The following USP10 variants were observed in gnomAD, a reference collection of about 807,000 sequenced individuals.
USP10 encodes the protein ubiquitin carboxyl-terminal hydrolase 10.
A neutral mutation model predicts 84.5 loss-of-function variants in USP10; 22 were observed. The observed-to-expected ratio is 0.26, with a 90% CI of 0.19 to 0.37. The LOEUF (loss-of-function observed/expected upper bound fraction) is 0.37, where lower values mean the gene tolerates loss of function less well. Ranked by LOEUF, USP10 falls within the 10% of genes least tolerant of loss-of-function variation. The pLI is 1.00. For missense variants in USP10, 1,019 were observed against 998.9 expected (o/e 1.02, Z -0.27); for synonymous variants, 454 against 387.6 (o/e 1.17, Z -2.01).
chr16:84,701,081 A>C (rs1195428658), intron 1 of USP10, among the ~76,000 whole-genome samples: 1 of 152,244 alleles, frequency 6.6e-6, no homozygotes, highest in African/African-American at 2.4e-5. Context: ...AATGAAACAA[A>C]GTAGCCATTC....
At position 84,779,739 on chromosome 16, in the gene USP10, A is replaced by C. The variant is rs1915372652; in HGVS notation, c.*657A>C. On this transcript the variant is annotated 3_prime_UTR_variant, in exon 14 of 14. Transcript: ENST00000219473. ...TTGCCATTAAAAGATTTCAAATTGCATTCATGCTTCTGTGTACACATAATG... is the reference window on the plus strand; with the variant it reads ...TTGCCATTAAAAGATTTCAAATTGCCTTCATGCTTCTGTGTACACATAATG... 1 of 152,716 alleles carries C rather than the reference A, an allele frequency of 6.5e-6. No individual in the cohort carries two copies. The highest frequency in any genetic ancestry group is 1.5e-5 in the Non-Finnish European group (1 of 68,088). The allele number at this position is 152,716 out of a possible 1,614,324, so 9.5% of individuals were successfully genotyped here.
chr16:84,716,390 G>T (rs1307188930), intron 1 of USP10: 1 of 152,166 alleles, frequency 6.6e-6, no homozygotes, highest in East Asian at 1.9e-4. Flanking sequence ...AGGCAAGGTT[G>T]GTTTCTCTGA....
intron 4 of USP10, among the ~76,000 whole-genome samples, chr16:84,746,517 A>T (rs377729309): frequency 1.3e-5 from 2 of 152,262 alleles, no homozygotes; most frequent in African/African-American, 4.8e-5. Context: ...CAGTTGTAAC[A>T]CAGTGCTAAG....
chr16:84,743,767 A>T (rs761323188), intron 3 of USP10, among the ~76,000 whole-genome samples: 1 of 152,242 alleles, frequency 6.6e-6, no homozygotes, highest in Admixed American at 6.5e-5. Context: ...CGTCTGTCTT[A>T]GCAGGAATGA....
intron 3 of USP10, among the ~76,000 whole-genome samples, chr16:84,741,820 T>C (rs1427863647): frequency 1.3e-5 from 2 of 152,324 alleles, no homozygotes; most frequent in Non-Finnish European, 1.5e-5. Flanking sequence ...ACAGAGCCTG[T>C]GGGCACTGTC....
At chr16:84,777,844 G>A (rs565144582) in intron 13 of USP10, among the ~76,000 whole-genome samples, 1 of 152,278 alleles carries the variant, frequency 6.6e-6, no homozygotes, top group South Asian at 2.1e-4. Flanking sequence ...CTTTTCTTTT[G>A]TGCCACTGAT....
chr16:84,774,756 A>G (rs1222872316), intron 12 of USP10, among the ~76,000 whole-genome samples: 1 of 152,198 alleles, frequency 6.6e-6, no homozygotes, highest in Non-Finnish European at 1.5e-5. Flanking sequence ...GGCGTGAGCC[A>G]CCGTGCCTGG....
chr16:84,700,262 ACCCGCCGCCTCCGCG>A (rs923680108), intron 1 of USP10, among the ~76,000 whole-genome samples, 151 bp downstream of exon 1: 169 of 150,788 alleles, frequency 1.1e-3, no homozygotes, highest in Middle Eastern at 3.5e-3. Context: ...GGCCGGAGCC[ACCCGCCGCCTCCGCG>A]CCCGCCGCGC....
intron 2 of USP10, among the ~76,000 whole-genome samples, chr16:84,737,643 T>G (rs1910102653): frequency 6.6e-6 from 1 of 152,202 alleles, no homozygotes; most frequent in South Asian, 2.1e-4. Context: ...ATCTGGGAGT[T>G]TGCTGGTGGT....
chr16:84,715,103 A>AT (rs1293677489), intron 1 of USP10, among the ~76,000 whole-genome samples: 1 of 151,530 alleles, frequency 6.6e-6, no homozygotes, highest in Non-Finnish European at 1.5e-5. Flanking sequence ...TACTTTTTAT[A>AT]TTTTTTAGTA....
At chr16:84,711,152 T>A (rs1241354854) in intron 1 of USP10, among the ~76,000 whole-genome samples, 1 of 152,226 alleles carries the variant, frequency 6.6e-6, no homozygotes, top group African/African-American at 2.4e-5. Context: ...GGCTTGGCAT[T>A]CATTAAGTCC....
At position 84,739,900 on chromosome 16, in the gene USP10, C is replaced by T. The variant is rs537918551; in HGVS notation, c.91-409C>T. Among the ~76,000 whole-genome samples, 9 of 152,234 alleles carry T rather than the reference C, an allele frequency of 5.9e-5. No individual in the cohort carries two copies. In the South Asian group the frequency reaches 1.2e-3, roughly 21 times the overall value. ...ACTGGCTGTGTTGCAATGTAGTGAT[C>T]GTGAATAAGAGGTGCAGTCAGGAAG... is the stretch of plus-strand genomic sequence containing the variant. On this transcript the variant is annotated intron_variant, in intron 2 of 13. Transcript: ENST00000219473.
rs1164447247 is a variant in USP10, at chr16:84,700,044, A to G, written c.-47A>G. ...AGAAGATGGCGGCGGCGGGGGAAGC[A>G]GCGTGAGCAGCCGGAGGATCGCGGA... On this transcript the variant is annotated 5_prime_UTR_variant, in exon 1 of 14. Coordinates refer to ENST00000219473, the MANE Select transcript of USP10 (RefSeq NM_005153.3). 11 of 1,354,486 alleles carry G rather than the reference A, an allele frequency of 8.1e-6. No homozygotes were observed. The highest frequency in any genetic ancestry group is 7.8e-5 in the African/African-American group (5 of 64,432). 83.9% of individuals were successfully genotyped at this position (1,354,486 alleles called of 1,614,324 possible). A position where few individuals can be genotyped will look rare whatever the true frequency, so the allele number is the denominator to read the frequency against.
intron 1 of USP10, among the ~76,000 whole-genome samples, chr16:84,721,958 G>T (rs1163018905): frequency 6.6e-6 from 1 of 152,204 alleles, no homozygotes; most frequent in Non-Finnish European, 1.5e-5. Flanking sequence ...GCCTCCCAAA[G>T]TGCTGGAATT....
chr16:84,704,621 G>A, intron 1 of USP10: 8 of 1,260,860 alleles, frequency 6.3e-6, no homozygotes, highest in Non-Finnish European at 8.4e-6. Flanking sequence ...TAGCCCTTGG[G>A]GTATGTGTAT....
chr16:84,737,847 G>T (rs944180857), intron 2 of USP10, among the ~76,000 whole-genome samples: 5 of 152,232 alleles, frequency 3.3e-5, no homozygotes, highest in African/African-American at 1.2e-4. Flanking sequence ...CCCAGTCAGT[G>T]CCACCTGGTG....
intron 4 of USP10, among the ~76,000 whole-genome samples, chr16:84,749,251 C>G (rs35210690): frequency 0.23 from 35,023 of 152,124 alleles, 4,333 homozygotes; most frequent in East Asian, 0.37. Flanking sequence ...TCCACTACCA[C>G]AAATTCCCTT....
Position 84,706,466 on chromosome 16 carries a change from CTA to C in USP10, c.21+6365_21+6366del, listed in dbSNP as rs996902109. Among the ~76,000 whole-genome samples, 6 of 148,678 alleles carry C rather than the reference CTA, an allele frequency of 4.0e-5. No individual in the cohort carries two copies. In the East Asian group the frequency reaches 5.8e-4, roughly 14 times the overall value. On this transcript the variant is annotated intron_variant, in intron 1 of 13. Coordinates refer to ENST00000219473, the MANE Select transcript of USP10 (RefSeq NM_005153.3). Reference sequence around the variant, plus strand: ...AATTTCCCTTACGTGGCTGCAAAGACTATATATATATTTATATGTATTTATTT... The same window carrying C: ...AATTTCCCTTACGTGGCTGCAAAGACTATATATATTTATATGTATTTATTT...
At chr16:84,764,043 T>A in intron 9 of USP10, 43 bp from the exon 10 acceptor site, 4 of 1,552,602 alleles carry the variant, frequency 2.6e-6, no homozygotes, top group Non-Finnish European at 3.5e-6. Context: ...TTTTTGCTGT[T>A]CTTGTCGTAA....
Sources: allele counts gnomAD v4.1 joint callset (sites outside exome capture counted in the v4.1 genomes callset), GRCh38; gene constraint gnomAD v4.1.1; transcripts MANE v1.5; gene names NCBI Gene and HGNC (gene_info 2026-07-23, HGNC 2026-07-21).